Variants in AMOTL1 observed in about 807,000 individuals in gnomAD.
AMOTL1 encodes the protein angiomotin-like protein 1.
Under a neutral mutation model 102.9 loss-of-function variants are expected in AMOTL1, and 45 were observed. The ratio of observed to expected loss-of-function variants is 0.44; its 90% CI spans 0.34 to 0.56. AMOTL1 has a LOEUF of 0.56. Among genes scored for constraint, AMOTL1 ranks in the 20% least tolerant of loss-of-function variants. The pLI, the probability that AMOTL1 is intolerant of heterozygous loss-of-function variation, is 0.01. For missense variants in AMOTL1, 1,114 were observed against 1,225.6 expected (o/e 0.91, Z 1.36); for synonymous variants, 481 against 484.7 (o/e 0.99, Z 0.10).
rs868110034 is a variant in AMOTL1, at chr11:94,757,758, G to A, written c.136+16770G>A. Among the ~76,000 whole-genome samples, 36 of 152,234 alleles carry A rather than the reference G, an allele frequency of 2.4e-4. No homozygotes were observed. In the Middle Eastern group the frequency reaches 0.014, roughly 58 times the overall value. ...ACATCTTTCTTGTACCCATGAGATG[G>A]GAGGCAACATAAAATAGTAGTTAAG... On this transcript the variant is annotated intron_variant, in intron 3 of 4. Coordinates refer to the AMOTL1 transcript ENST00000299004.
chr11:94,797,853 C>A lies in AMOTL1; in HGVS notation c.200-1537C>A, dbSNP rs1019255280. ...AATGTTGTTGGATAGGTAGGTAGTA[C>A]CTGCTACACCATATGATAGAATATC... On this transcript the variant is annotated intron_variant, in intron 2 of 12. Transcript: ENST00000433060. 3.9e-5 allele frequency among the ~76,000 whole-genome samples: 6 copies of A among 152,258 alleles called. No individual in the cohort carries two copies. The East Asian group carries it at 1.2e-3, about 29-fold the overall frequency.
chr11:94,829,599 C>A (rs1322072327), intron 4 of AMOTL1, among the ~76,000 whole-genome samples: 6 of 152,104 alleles, frequency 3.9e-5, no homozygotes, highest in Non-Finnish European at 7.3e-5. Context: ...CCTTTGGGGA[C>A]AGATAGAAGT....
rs200146836 is a variant in AMOTL1, at chr11:94,821,809, C to A, written c.1401C>A (p.Asp467Glu). 1 of 1,613,800 alleles carries A rather than the reference C, an allele frequency of 6.2e-7. No homozygotes were observed. Among genetic ancestry groups the A allele is most frequent in the Admixed American group, 1.7e-5 (1 of 60,028 alleles). The change falls in exon 4 of 13, where the codon GAC (aspartate) becomes GAA (glutamate). Residue 467 changes from aspartate (D) to glutamate (E), a missense_variant. By Grantham distance (45) the Asp-to-Glu change is conservative (BLOSUM62 2). Transcript: ENST00000433060. ...TTCAGGGTTACTACGACAATGCCGA[C>A]AAGCTCCACAAGGTGCGTGACTTCC... ...QELQGYYDNADKLHKFEKELQ... is the reference protein window; with the variant it reads ...QELQGYYDNAEKLHKFEKELQ...
chr11:94,848,010 G>A (rs1489048763), intron 6 of AMOTL1, among the ~76,000 whole-genome samples: 1 of 152,138 alleles, frequency 6.6e-6, no homozygotes, highest in Non-Finnish European at 1.5e-5. Context: ...AGATCCTGTG[G>A]TTCATCTCCA....
At chr11:94,866,507 T>C in intron 11 of AMOTL1, 1 of 279,744 alleles carries the variant, frequency 3.6e-6, no homozygotes, top group South Asian at 4.4e-5. Flanking sequence ...TCTAGACCAG[T>C]TGTATGACGG....
In AMOTL1 at chr11:94,872,616, G is replaced by C. The variant is rs1254862403; in HGVS notation, c.*1821G>C. Reference sequence around the variant, plus strand: ...GGCCAGCCTCTGTGCCACCCAGTACGACAGAGGAGTGGGAACTGGCCCTCT... The same window carrying C: ...GGCCAGCCTCTGTGCCACCCAGTACCACAGAGGAGTGGGAACTGGCCCTCT... On this transcript the variant is annotated 3_prime_UTR_variant, in exon 13 of 13. Coordinates refer to ENST00000433060, the MANE Select transcript of AMOTL1 (RefSeq NM_130847.3). The C allele has an allele frequency of 6.6e-6, 1 of 152,322 alleles. No individual in the cohort carries two copies. The highest frequency in any genetic ancestry group is 1.5e-5 in the Non-Finnish European group (1 of 68,128). The allele number at this position is 152,322 out of a possible 1,614,324, so 9.4% of individuals were successfully genotyped here.
chr11:94,857,585 G>C (rs1952693783), intron 8 of AMOTL1, among the ~76,000 whole-genome samples: 1 of 152,128 alleles, frequency 6.6e-6, no homozygotes, highest in South Asian at 2.1e-4. Context: ...AGAGAGAGGG[G>C]AATTTGCATT....
intron 1 of AMOTL1, among the ~76,000 whole-genome samples, chr11:94,727,562 T>C (rs1272052958): frequency 6.6e-6 from 1 of 152,132 alleles, no homozygotes; most frequent in Non-Finnish European, 1.5e-5. Flanking sequence ...TACAAAAGCA[T>C]ATTATTATAG....
chr11:94,723,498 C>A (rs1950206796), intron 1 of AMOTL1, among the ~76,000 whole-genome samples: 1 of 152,090 alleles, frequency 6.6e-6, no homozygotes, highest in Non-Finnish European at 1.5e-5. Context: ...GAAGATAGCA[C>A]AAATTATTTA....
At chr11:94,787,687 CAAAAAAAAAAAAAAAAAAAAAAAAAAA>C (rs59563004) in intron 1 of AMOTL1, among the ~76,000 whole-genome samples, 2 of 57,528 alleles carry the variant, frequency 3.5e-5, no homozygotes, top group South Asian at 1.3e-3. Flanking sequence ...AACTCCGTCT[CAAAAAAAAAAAAAAAAAAAAAAAAAAA>C]AAAAAAAAAA....
At chr11:94,757,523 G>A (rs1207740559) in intron 3 of AMOTL1, among the ~76,000 whole-genome samples, 1 of 152,018 alleles carries the variant, frequency 6.6e-6, no homozygotes, top group South Asian at 2.1e-4. Flanking sequence ...AAAAGAGAGA[G>A]TGCCTGTAAC....
intron 6 of AMOTL1, among the ~76,000 whole-genome samples, chr11:94,832,767 C>CA (rs1197708146): frequency 5.3e-5 from 8 of 152,210 alleles, no homozygotes; most frequent in Non-Finnish European, 1.2e-4. Context: ...GTGACACATT[C>CA]CTTCTGGATG....
rs576511162 is a variant in AMOTL1 at position 94,809,009 on chromosome 11, T to G, written c.1121+8698T>G. ...TTTTTGAGATGGAGTCTCACTTTGT[T>G]GCCCAGGCTGGAGTGCAGTGGCTCG... On this transcript the variant is annotated intron_variant, in intron 3 of 12. Transcript: ENST00000433060. Among the ~76,000 whole-genome samples the G allele has an allele frequency of 8.1e-5, 12 of 148,926 alleles. No homozygotes were observed. In the South Asian group the frequency reaches 2.6e-3, roughly 33 times the overall value.
At chr11:94,864,147 A>G (rs1592048074) in intron 9 of AMOTL1, among the ~76,000 whole-genome samples, 1 of 152,184 alleles carries the variant, frequency 6.6e-6, no homozygotes, top group East Asian at 1.9e-4. Context: ...TAGGCATTCT[A>G]TGCTGTATGG....
chr11:94,713,415 C>A (rs74704936), intron 1 of AMOTL1, among the ~76,000 whole-genome samples: 1,592 of 151,920 alleles, frequency 0.01, 34 homozygotes, highest in African/African-American at 0.036. Flanking sequence ...ATCTACAGAA[C>A]CTTGCTGGGA....
chr11:94,782,371 G>A (rs1951126463), intron 1 of AMOTL1, among the ~76,000 whole-genome samples: 3 of 152,144 alleles, frequency 2.0e-5, no homozygotes, highest in Non-Finnish European at 2.9e-5. Flanking sequence ...TTCCCAATAT[G>A]TAAAAGACTT....
intron 6 of AMOTL1, 34 bp downstream of exon 6, chr11:94,831,575 G>C: frequency 6.3e-7 from 1 of 1,579,696 alleles, no homozygotes; most frequent in Non-Finnish European, 8.7e-7. Context: ...CCCAAAGTTT[G>C]TTTGTTTAAA....
At chr11:94,781,627 G>A (rs1343172546) in intron 1 of AMOTL1, among the ~76,000 whole-genome samples, 2 of 152,070 alleles carry the variant, frequency 1.3e-5, no homozygotes, top group Non-Finnish European at 2.9e-5. Flanking sequence ...ACGAGGTCAG[G>A]AGATCGAGAC....
In AMOTL1 at chr11:94,799,935, G is replaced by A; in HGVS notation, c.745G>A (p.Ala249Thr). The change falls in exon 3 of 13, where the codon GCG becomes ACG. Residue 249 changes from alanine (A) to threonine (T), a missense_variant. Transcript: ENST00000433060. This position sits in a 1 kb window ranked among gnomAD's most constrained non-coding sequence, Gnocchi z 4.5. ...CAGTGGACAGGCGCATAAGGACGAG[G>A]CGCTGAAGGAACTGAAGCAGGGCCA... ...ANSGQAHKDE[A>T]LKELKQGHVR... 2.5e-6 allele frequency: 4 copies of A among 1,613,342 alleles called. No homozygotes were observed. The highest frequency in any genetic ancestry group is 3.4e-6 in the Non-Finnish European group (4 of 1,179,530).
Sources: allele counts gnomAD v4.1 joint callset (sites outside exome capture counted in the v4.1 genomes callset), GRCh38; gene constraint gnomAD v4.1.1; non-coding constraint Gnocchi (gnomAD v3.1); transcripts MANE v1.5; gene names NCBI Gene and HGNC (gene_info 2026-07-23, HGNC 2026-07-21).